The following CSNK2A2IP variants were observed in gnomAD, a reference collection of about 807,000 sequenced individuals.
The protein encoded by CSNK2A2IP is casein kinase II subunit alpha'-interacting protein.
chr3:88,352,390 T>G, the CSNK2A2IP span, among the ~76,000 whole-genome samples: 1 of 152,248 alleles, frequency 6.6e-6, no homozygotes, highest in South Asian at 2.1e-4. Context: ...TTTTGAGGTG[T>G]CATTTTGGGA....
chr3:88,343,310 A>G, the CSNK2A2IP span: 1 of 152,226 alleles, frequency 6.6e-6, no homozygotes, highest in African/African-American at 2.4e-5. Context: ...ATGGTATTCA[A>G]CAACCATAAT....
chr3:88,351,027 A>T, the CSNK2A2IP span, among the ~76,000 whole-genome samples: 1 of 152,288 alleles, frequency 6.6e-6, no homozygotes, highest in African/African-American at 2.4e-5. Context: ...TCAACACAGA[A>T]TTCTGGATTC....
the CSNK2A2IP span, among the ~76,000 whole-genome samples, chr3:88,418,463 T>TGTGTGTGTGTGTGCGCGCGC: frequency 4.9e-4 from 74 of 149,632 alleles, no homozygotes; most frequent in African/African-American, 1.1e-3. Context: ...TGTGTGTGTG[T>TGTGTGTGTGTGTGCGCGCGC]GCGCGCGGGC....
At chr3:88,348,713 T>C in the CSNK2A2IP span, among the ~76,000 whole-genome samples, 2 of 152,108 alleles carry the variant, frequency 1.3e-5, no homozygotes, top group East Asian at 1.9e-4. Context: ...GAAAAGCCCT[T>C]TTTTGGGCAT....
At chr3:88,408,641 C>T in the CSNK2A2IP span, among the ~76,000 whole-genome samples, 817 of 152,044 alleles carry the variant, frequency 5.4e-3, 11 homozygotes, top group African/African-American at 0.019. Flanking sequence ...TCCCATATAG[C>T]GTGGAGCAGT....
chr3:88,375,798 A>G, the CSNK2A2IP span, among the ~76,000 whole-genome samples: 991 of 151,560 alleles, frequency 6.5e-3, 11 homozygotes, highest in African/African-American at 0.022. Flanking sequence ...TCAAAACTTA[A>G]CTCCTGACCC....
the CSNK2A2IP span, chr3:88,467,410 G>A: frequency 1.8e-5 from 7 of 398,528 alleles, no homozygotes; most frequent in African/African-American, 4.1e-5. Context: ...CTCCTGGCTT[G>A]AGTTTATATA....
At chr3:88,461,015 T>C in the CSNK2A2IP span, among the ~76,000 whole-genome samples, 1 of 151,268 alleles carries the variant, frequency 6.6e-6, no homozygotes, top group African/African-American at 2.4e-5. Context: ...GGAACCCAGG[T>C]GGCAGAGGTT....
chr3:88,409,914 T>G, the CSNK2A2IP span, among the ~76,000 whole-genome samples: 4 of 152,058 alleles, frequency 2.6e-5, no homozygotes, highest in Non-Finnish European at 4.4e-5. Context: ...TGATAGTATT[T>G]AACTTCCGTA....
the CSNK2A2IP span, among the ~76,000 whole-genome samples, chr3:88,423,352 T>A: frequency 6.6e-6 from 1 of 152,300 alleles, no homozygotes; most frequent in Non-Finnish European, 1.5e-5. Context: ...AAAAGGAGAC[T>A]GCTGGGTACA....
the CSNK2A2IP span, among the ~76,000 whole-genome samples, chr3:88,460,935 A>T: frequency 6.6e-6 from 1 of 151,980 alleles, no homozygotes; most frequent in Non-Finnish European, 1.5e-5. Flanking sequence ...TAAATACAAA[A>T]AATTAGCTGG....
chr3:88,413,187 C>T, the CSNK2A2IP span, among the ~76,000 whole-genome samples: 16,826 of 151,836 alleles, frequency 0.11, 1,137 homozygotes, highest in East Asian at 0.23. Flanking sequence ...GCCTACTCAC[C>T]TATGTTGTGT....
the CSNK2A2IP span, among the ~76,000 whole-genome samples, chr3:88,373,303 C>T: frequency 1.3e-5 from 2 of 151,154 alleles, no homozygotes; most frequent in Non-Finnish European, 3.0e-5. Flanking sequence ...ACAGTGGAAC[C>T]AGATTAAAAA....
the CSNK2A2IP span, among the ~76,000 whole-genome samples, chr3:88,414,191 A>G: frequency 6.7e-6 from 1 of 148,250 alleles, no homozygotes; most frequent in East Asian, 2.0e-4. Context: ...AGTAACATAT[A>G]TATGTATATA....
chr3:88,368,566 C>T, the CSNK2A2IP span, among the ~76,000 whole-genome samples: 1 of 151,758 alleles, frequency 6.6e-6, no homozygotes, highest in African/African-American at 2.4e-5. Context: ...GGAAAGAATG[C>T]CAGTATGATT....
chr3:88,411,576 T>C, the CSNK2A2IP span, among the ~76,000 whole-genome samples: 1 of 152,032 alleles, frequency 6.6e-6, no homozygotes, highest in Middle Eastern at 3.4e-3. Context: ...CAGATACGGA[T>C]TTTGTAGAAA....
At chr3:88,370,660 A>AT in the CSNK2A2IP span, among the ~76,000 whole-genome samples, 1 of 104,918 alleles carries the variant, frequency 9.5e-6, no homozygotes, top group African/African-American at 3.8e-5. Context: ...TTCTTTCTTC[A>AT]TTTTTTGAAA....
chr3:88,462,598 A>G, the CSNK2A2IP span, among the ~76,000 whole-genome samples: 14 of 152,200 alleles, frequency 9.2e-5, no homozygotes, highest in Admixed American at 9.2e-4. Flanking sequence ...GTGGCATTCT[A>G]CAGAAAACAG....
the CSNK2A2IP span, among the ~76,000 whole-genome samples, chr3:88,361,813 G>C: frequency 1.3e-5 from 2 of 151,154 alleles, no homozygotes; most frequent in African/African-American, 4.9e-5. Context: ...TTTCTCCTCT[G>C]TGTATTTTCT....
Sources: gnomAD v4.1 joint callset for allele counts (sites outside exome capture counted in the v4.1 genomes callset) on GRCh38, gnomAD v4.1.1 for gene constraint, MANE v1.5 for transcripts, NCBI Gene and HGNC (gene_info 2026-07-23, HGNC 2026-07-21) for gene names.